The following NFIB variants were observed in gnomAD, a reference collection of about 807,000 sequenced individuals.
The protein encoded by NFIB is nuclear factor 1 B-type.
In NFIB, 11 loss-of-function variants were observed where a neutral mutation model predicts 61.5. The ratio of observed to expected loss-of-function variants is 0.18; its 90% confidence interval spans 0.11 to 0.30. The LOEUF (loss-of-function observed/expected upper bound fraction) is 0.30, where lower values mean the gene tolerates loss of function less well. Among genes scored for constraint, NFIB ranks in the 10% least tolerant of loss-of-function variants. The pLI is 1.00. For synonymous variants in NFIB, 260 were observed against 216.5 expected, an observed-to-expected ratio of 1.20 and a Z score of -1.76; for missense variants, 471 against 608.9, an observed-to-expected ratio of 0.77 and a Z score of 2.38.
intron 2 of NFIB, among the ~76,000 whole-genome samples, chr9:14,225,435 C>T (rs1442086835): frequency 4.6e-5 from 5 of 109,194 alleles, no homozygotes; most frequent in East Asian, 2.9e-4. Context: ...CCAGCCTGGG[C>T]GACAGAGCGA....
the NFIB span, among the ~76,000 whole-genome samples, chr9:14,482,342 G>A: frequency 6.6e-6 from 1 of 151,952 alleles, no homozygotes; most frequent in Non-Finnish European, 1.5e-5. Context: ...CATTCTAATG[G>A]CCCTGGGGCA....
chr9:14,201,153 T>G (rs2048989197), intron 2 of NFIB, among the ~76,000 whole-genome samples: 1 of 152,196 alleles, frequency 6.6e-6, no homozygotes, highest in African/African-American at 2.4e-5. Context: ...CTCAGGCCAT[T>G]ATGATTCACT....
At chr9:14,282,719 A>C (rs767177879) in intron 2 of NFIB, among the ~76,000 whole-genome samples, 3 of 152,214 alleles carry the variant, frequency 2.0e-5, no homozygotes, top group Non-Finnish European at 4.4e-5. Flanking sequence ...CAGGTTCCTG[A>C]AGGAGGGCGA....
intron 2 of NFIB, among the ~76,000 whole-genome samples, chr9:14,305,453 A>C (rs1249836638): frequency 6.6e-6 from 1 of 152,234 alleles, no homozygotes; most frequent in African/African-American, 2.4e-5. Flanking sequence ...ACATCTGTCA[A>C]TCAAATAAGT....
At chr9:14,433,641 G>A in the NFIB span, among the ~76,000 whole-genome samples, 4 of 152,106 alleles carry the variant, frequency 2.6e-5, no homozygotes, top group African/African-American at 9.7e-5. Context: ...CAGACTTGAC[G>A]AGTCTGCTCA....
chr9:14,227,561 A>G (rs967129407), intron 2 of NFIB, among the ~76,000 whole-genome samples: 1 of 152,234 alleles, frequency 6.6e-6, no homozygotes, highest in Non-Finnish European at 1.5e-5. Context: ...CCTAAGTAAT[A>G]TGAATACTGG....
chr9:14,214,387 T>G (rs961446005), intron 2 of NFIB, among the ~76,000 whole-genome samples: 1 of 152,192 alleles, frequency 6.6e-6, no homozygotes, highest in African/African-American at 2.4e-5. Flanking sequence ...AACTCTTAAT[T>G]TTTGAACAAG....
intron 1 of NFIB, among the ~76,000 whole-genome samples, chr9:14,337,808 T>G (rs1373394348): frequency 6.6e-6 from 1 of 152,226 alleles, no homozygotes; most frequent in Non-Finnish European, 1.5e-5. Context: ...TTCAGTTTAC[T>G]TTTGTTTCAG....
At chr9:14,466,604 G>A in the NFIB span, among the ~76,000 whole-genome samples, 1 of 152,116 alleles carries the variant, frequency 6.6e-6, no homozygotes, top group African/African-American at 2.4e-5. Context: ...CTTCCCTCCT[G>A]CTCTCCATAG....
intron 2 of NFIB, among the ~76,000 whole-genome samples, chr9:14,239,721 G>A (rs942712607): frequency 6.6e-6 from 1 of 152,114 alleles, no homozygotes. Context: ...AATGAGAGAA[G>A]CTTCGAAACA....
the NFIB span, among the ~76,000 whole-genome samples, chr9:14,465,483 T>G: frequency 2.8e-4 from 42 of 151,924 alleles, 1 homozygote; most frequent in African/African-American, 1.0e-3. Context: ...ATTAACAACA[T>G]AGAGAGAAGA....
chr9:14,260,693 C>A (rs1365229504), intron 2 of NFIB, among the ~76,000 whole-genome samples: 1 of 152,182 alleles, frequency 6.6e-6, no homozygotes, highest in Non-Finnish European at 1.5e-5. Flanking sequence ...CCTAGAGTGA[C>A]AAACAAAATG....
At chr9:14,125,519 G>T in intron 7 of NFIB, 113 bp downstream of exon 7, 1 of 1,420,050 alleles carries the variant, frequency 7.0e-7, no homozygotes, top group Non-Finnish European at 9.5e-7. Flanking sequence ...CACCATATGG[G>T]TTGAGAAAAT....
intron 2 of NFIB, among the ~76,000 whole-genome samples, chr9:14,241,487 C>A (rs1464455898): frequency 2.7e-5 from 4 of 150,716 alleles, no homozygotes; most frequent in Non-Finnish European, 4.4e-5. Context: ...AATCGACTTT[C>A]TCCAAAGTAG....
At chr9:14,507,297 T>C in the NFIB span, among the ~76,000 whole-genome samples, 1 of 152,242 alleles carries the variant, frequency 6.6e-6, no homozygotes, top group African/African-American at 2.4e-5. Context: ...GGGAGCGTGA[T>C]ATAAAAGTTT....
At chr9:14,357,440 A>C (rs1385855869) in intron 1 of NFIB, 1 of 152,254 alleles carries the variant, frequency 6.6e-6, no homozygotes, top group Non-Finnish European at 1.5e-5. Flanking sequence ...ACCCCTGTGC[A>C]GTGATCTGTG....
chr9:14,182,736 G>GTT (rs2046942225), intron 2 of NFIB, among the ~76,000 whole-genome samples: 1 of 150,558 alleles, frequency 6.6e-6, no homozygotes, highest in Non-Finnish European at 1.5e-5. Flanking sequence ...GTGTGTGTGT[G>GTT]TGTGTGTGTG....
At chr9:14,174,025 G>C (rs561626673) in intron 3 of NFIB, among the ~76,000 whole-genome samples, 1 of 152,248 alleles carries the variant, frequency 6.6e-6, no homozygotes, top group African/African-American at 2.4e-5. Context: ...GGCTTTTTAA[G>C]AGTAATTTGT....
At chr9:14,113,189 A>G in intron 9 of NFIB, 108 bp from the exon 10 acceptor site, 2 of 857,556 alleles carry the variant, frequency 2.3e-6, no homozygotes, top group Non-Finnish European at 3.4e-6. Context: ...CCAAAAAAAA[A>G]AAGTGTCTTC....
Sources: gnomAD v4.1 joint callset for allele counts (sites outside exome capture counted in the v4.1 genomes callset) on GRCh38, gnomAD v4.1.1 for gene constraint, MANE v1.5 for transcripts, NCBI Gene and HGNC (gene_info 2026-07-23, HGNC 2026-07-21) for gene names.